MEI1: variants seen among roughly 807,000 people sequenced by gnomAD.
MEI1 encodes the protein meiosis inhibitor protein 1.
Under a neutral mutation model 146.2 loss-of-function variants are expected in MEI1, and 103 were observed. The observed-to-expected ratio is 0.70, with a 90% confidence interval of 0.60 to 0.83. The LOEUF (loss-of-function observed/expected upper bound fraction) is 0.83. Ranked by LOEUF, MEI1 falls within the 40% of genes least tolerant of loss-of-function variation. The pLI is 0.00. For synonymous variants in MEI1, 652 were observed against 628.2 expected (o/e 1.04, Z -0.57); for missense variants, 1,529 against 1,533.0 (o/e 1.00, Z 0.04).
intron 26 of MEI1, among the ~76,000 whole-genome samples, chr22:41,791,871 A>G (rs546501405): frequency 6.6e-6 from 1 of 152,366 alleles, no homozygotes; most frequent in East Asian, 1.9e-4. Flanking sequence ...ACATTAAGTG[A>G]AAGAAGTCAG....
chr22:41,799,363 G>T lies in MEI1; in HGVS notation c.*64G>T. Reference sequence around the variant, plus strand: ...AGACCTGGAGACAAAGGGCATAATTGTTGGGGAAATGGATGACAGCTGAAG... The same window carrying T: ...AGACCTGGAGACAAAGGGCATAATTTTTGGGGAAATGGATGACAGCTGAAG... On this transcript the variant is annotated 3_prime_UTR_variant, in exon 31 of 31. Transcript: ENST00000401548. 6.8e-7 allele frequency: 1 copy of T among 1,480,484 alleles called. No homozygotes were observed. The highest frequency in any genetic ancestry group is 9.2e-7 in the Non-Finnish European group (1 of 1,090,726). The allele number at this position is 1,480,484 out of a possible 1,614,324, so 91.7% of individuals were successfully genotyped here.
chr22:41,789,657 C>T (rs1287697115), intron 26 of MEI1, among the ~76,000 whole-genome samples: 1 of 152,206 alleles, frequency 6.6e-6, no homozygotes, highest in African/African-American at 2.4e-5. Context: ...CCCCCAGCCC[C>T]TGGCATCTAC....
At chr22:41,737,761 T>A (rs1173915671) in intron 11 of MEI1, among the ~76,000 whole-genome samples, 1 of 152,146 alleles carries the variant, frequency 6.6e-6, no homozygotes, top group Non-Finnish European at 1.5e-5. Context: ...CTCCAGGAGC[T>A]AAAGGACCTT....
chr22:41,775,912 A>G, intron 20 of MEI1, 190 bp from the exon 21 acceptor site: 1 of 550,152 alleles, frequency 1.8e-6, no homozygotes. Flanking sequence ...ACCTATTCTA[A>G]GGGATGGTTT....
At chr22:41,764,592 G>A (rs2074721952) in intron 19 of MEI1, among the ~76,000 whole-genome samples, 1 of 152,200 alleles carries the variant, frequency 6.6e-6, no homozygotes, top group African/African-American at 2.4e-5. Flanking sequence ...CCACACTAAG[G>A]AACAGAAGCA....
intron 6 of MEI1, among the ~76,000 whole-genome samples, chr22:41,722,306 A>C (rs1220075677): frequency 1.3e-5 from 2 of 151,396 alleles, no homozygotes; most frequent in East Asian, 3.9e-4. Flanking sequence ...TATTTAATTT[A>C]CTTATTTTTA....
intron 26 of MEI1, among the ~76,000 whole-genome samples, chr22:41,786,152 C>T (rs1048630113): frequency 2.1e-4 from 32 of 151,696 alleles, no homozygotes; most frequent in African/African-American, 4.1e-4. Context: ...CCTCGTGATC[C>T]GCCCGCCTCG....
At chr22:41,793,599 GC>G (rs2076268515) in intron 26 of MEI1, among the ~76,000 whole-genome samples, 1 of 152,226 alleles carries the variant, frequency 6.6e-6, no homozygotes, top group South Asian at 2.1e-4. Context: ...ACTGTGCCTA[GC>G]CCAAAGCACT....
intron 3 of MEI1, 144 bp downstream of exon 3, chr22:41,705,698 T>C: frequency 1.5e-6 from 1 of 667,840 alleles, no homozygotes; most frequent in Non-Finnish European, 2.6e-6. Context: ...AATTCAACAT[T>C]TGTTTTTTAC....
intron 7 of MEI1, 41 bp from the exon 8 acceptor site, chr22:41,729,624 C>A: frequency 7.5e-7 from 1 of 1,332,300 alleles, no homozygotes; most frequent in Non-Finnish European, 1.1e-6. Context: ...TGGTCCTATT[C>A]GTGGTGTGAC....
intron 18 of MEI1, among the ~76,000 whole-genome samples, chr22:41,762,050 C>G (rs2074526563): frequency 6.6e-6 from 1 of 152,138 alleles, no homozygotes; most frequent in Non-Finnish European, 1.5e-5. Context: ...GACATTTGGG[C>G]CTATCCACCT....
At position 41,795,750 on chromosome 22, in the gene MEI1, C is replaced by G; in HGVS notation, c.3682C>G (p.His1228Asp). The change falls in exon 30 of 31, where the codon CAC (histidine) becomes GAC (aspartate). Residue 1228 changes from histidine (H) to aspartate (D), a missense_variant. By Grantham distance (81) the His-to-Asp change is moderately conservative (BLOSUM62 -1). Around this residue, in one of 3 missense-constraint regions of MEI1, gnomAD observed 313 missense variants for 337.3 expected, o/e 0.93. Coordinates refer to ENST00000401548, the MANE Select transcript of MEI1 (RefSeq NM_152513.4). The surrounding 1 kb of genome is among the most constrained non-coding windows in gnomAD (Gnocchi z 4.2). ...CTCCCTGCAGCTCCAGAGCATGGGACACCTGGCTGACCACAGCATGGCCCA... is the reference window on the plus strand; with the variant it reads ...CTCCCTGCAGCTCCAGAGCATGGGAGACCTGGCTGACCACAGCATGGCCCA... ...GFFQQLQSMG[H>D]LADHSMAQTL... 6.2e-7 allele frequency: 1 copy of G among 1,613,636 alleles called. No homozygotes were observed. The highest frequency in any genetic ancestry group is 2.2e-5 in the East Asian group (1 of 44,886).
intron 26 of MEI1, among the ~76,000 whole-genome samples, chr22:41,791,815 A>G (rs1382753110): frequency 6.6e-6 from 1 of 152,258 alleles, no homozygotes; most frequent in Admixed American, 6.5e-5. Flanking sequence ...GACCATACAA[A>G]GGAATGAAGT....
At chr22:41,730,500 T>C in intron 8 of MEI1, 21 bp from the exon 9 acceptor site, 1 of 1,544,500 alleles carries the variant, frequency 6.5e-7, no homozygotes. Flanking sequence ...TTTATTGTTT[T>C]CTCATCCTCT....
At chr22:41,778,628 C>G in intron 21 of MEI1, 80 bp from the exon 22 acceptor site, 1 of 1,066,406 alleles carries the variant, frequency 9.4e-7, no homozygotes, top group Non-Finnish European at 1.4e-6. Context: ...TATTAAGGGC[C>G]ATTGAAGCAG....
Position 41,745,238 on chromosome 22 carries a change from C to T in MEI1, c.1538+174C>T, listed in dbSNP as rs117448992. On this transcript the variant is annotated intron_variant, in intron 13 of 30. Coordinates refer to ENST00000401548, the MANE Select transcript of MEI1 (RefSeq NM_152513.4). ...TGTGTGGAGGAGGCTTGAGGACAGG[C>T]AGCTAGGGGTAGGACCTTTCTAAAG... Among the ~76,000 whole-genome samples, 271 of 152,212 alleles carry T rather than the reference C, an allele frequency of 1.8e-3. 7 individuals carry two copies. In the East Asian group the frequency reaches 0.046, roughly 26 times the overall value.
In MEI1 at chr22:41,754,006, T is replaced by A; in HGVS notation, c.1911T>A (p.Leu637=). The A allele has an allele frequency of 6.2e-7, 1 of 1,613,760 alleles. No individual in the cohort carries two copies. The highest frequency in any genetic ancestry group is 8.5e-7 in the Non-Finnish European group (1 of 1,179,710). ...TCCTCTACTATATGTGCCTCAACCT[T>A]CTCTCAGCTCCAGAGAAGACAGGAC... ...SNFLYYMCLN[L]LSAPEKTGPP... The change falls in exon 17 of 31, where the codon CTT becomes CTA. Residue 637 remains leucine (L), a synonymous_variant. Coordinates refer to ENST00000401548, the MANE Select transcript of MEI1 (RefSeq NM_152513.4).
chr22:41,782,504 A>T (rs1674865883), intron 24 of MEI1, among the ~76,000 whole-genome samples: 2 of 152,186 alleles, frequency 1.3e-5, no homozygotes, highest in South Asian at 4.1e-4. Context: ...GGGCCTTGTC[A>T]TCACAGTGCC....
chr22:41,787,520 G>C (rs1232006594), intron 26 of MEI1, among the ~76,000 whole-genome samples: 3 of 152,200 alleles, frequency 2.0e-5, no homozygotes, highest in Non-Finnish European at 2.9e-5. Context: ...GATCTTAAGA[G>C]TTTAAGTTCA....
Sources: allele counts gnomAD v4.1 joint callset (sites outside exome capture counted in the v4.1 genomes callset), GRCh38; gene constraint gnomAD v4.1.1; regional missense constraint gnomAD v4.1.1; non-coding constraint Gnocchi (gnomAD v3.1); transcripts MANE v1.5; gene names NCBI Gene and HGNC (gene_info 2026-07-23, HGNC 2026-07-21).